Variants in KPNA4 observed in about 807,000 individuals in gnomAD.
KPNA4 encodes karyopherin subunit alpha 4.
In KPNA4, 13 loss-of-function variants were observed where a neutral mutation model predicts 71.3. The ratio of observed to expected loss-of-function variants is 0.18; its 90% CI spans 0.12 to 0.29. The LOEUF (loss-of-function observed/expected upper bound fraction) is 0.29, where lower values mean the gene tolerates loss of function less well. Among genes scored for constraint, KPNA4 ranks in the 10% least tolerant of loss-of-function variants. The pLI, the probability that KPNA4 is intolerant of heterozygous loss-of-function variation, is 1.00. For missense variants in KPNA4, 334 were observed against 603.2 expected (o/e 0.55, Z 4.67); for synonymous variants, 189 against 195.2 (o/e 0.97, Z 0.26).
At chr3:160,548,559 TTG>T (rs1721975769) in intron 1 of KPNA4, among the ~76,000 whole-genome samples, 2 of 152,242 alleles carry the variant, frequency 1.3e-5, no homozygotes, top group East Asian at 1.9e-4. Flanking sequence ...CAGTATTTTT[TTG>T]TGTGTGACTG....
chr3:160,508,817 G>A (rs955899874), intron 14 of KPNA4, among the ~76,000 whole-genome samples: 2 of 151,958 alleles, frequency 1.3e-5, no homozygotes, highest in Admixed American at 6.6e-5. Flanking sequence ...ACTGCATCCC[G>A]CCTGGATACT....
chr3:160,535,017 C>A (rs184390670), intron 5 of KPNA4, among the ~76,000 whole-genome samples: 2 of 151,812 alleles, frequency 1.3e-5, no homozygotes, highest in Non-Finnish European at 2.9e-5. Flanking sequence ...CCACCTCGCC[C>A]GGCCGTCATT....
intron 1 of KPNA4, among the ~76,000 whole-genome samples, chr3:160,556,219 T>A (rs1722134267): frequency 6.6e-6 from 1 of 152,248 alleles, no homozygotes; most frequent in Non-Finnish European, 1.5e-5. Flanking sequence ...ATGTTTGCAA[T>A]TCTCCTGGAT....
At chr3:160,556,099 C>T (rs1722130955) in intron 1 of KPNA4, among the ~76,000 whole-genome samples, 1 of 152,320 alleles carries the variant, frequency 6.6e-6, no homozygotes, top group East Asian at 1.9e-4. Flanking sequence ...TCCCAAAGTG[C>T]TTGGGATTAC....
At chr3:160,537,592 C>T in intron 1 of KPNA4, among the ~76,000 whole-genome samples, 1 of 149,870 alleles carries the variant, frequency 6.7e-6, no homozygotes, top group South Asian at 2.1e-4. Flanking sequence ...CTTATTCTTT[C>T]TAATGACTGT....
intron 1 of KPNA4, among the ~76,000 whole-genome samples, chr3:160,540,533 G>A (rs531016271): frequency 6.6e-6 from 1 of 152,244 alleles, no homozygotes; most frequent in South Asian, 2.1e-4. Flanking sequence ...GAATGAACTG[G>A]TAGAAAGACA....
chr3:160,553,311 G>A (rs1722077009), intron 1 of KPNA4, among the ~76,000 whole-genome samples: 1 of 152,190 alleles, frequency 6.6e-6, no homozygotes, highest in African/African-American at 2.4e-5. Flanking sequence ...GAAAGCACCT[G>A]ACTCGGGAAA....
chr3:160,565,220 G>A lies in KPNA4; in HGVS notation c.63C>T (p.Asp21=), dbSNP rs776187396. Residue 21 remains aspartate (D), a synonymous_variant, in exon 1 of 17, where the codon GAC becomes GAT. Transcript: ENST00000334256. ...RLKNFKNKGR[D]LETMRRQRNE... ...GCGTCGTCCCCGAGTTTACCTCCAA[G>A]TCGCGGCCTTTGTTCTTGAAATTCT... 72 of 1,608,974 alleles carry A rather than the reference G, an allele frequency of 4.5e-5. No homozygotes were observed. Among genetic ancestry groups the A allele is most frequent in the Non-Finnish European group, 6.0e-5 (71 of 1,177,568 alleles).
At chr3:160,531,760 T>C (rs1721579402) in intron 5 of KPNA4, among the ~76,000 whole-genome samples, 1 of 152,198 alleles carries the variant, frequency 6.6e-6, no homozygotes, top group South Asian at 2.1e-4. Flanking sequence ...TGACAAATAA[T>C]TAGAAAAATA....
chr3:160,525,693 T>C, intron 10 of KPNA4, 107 bp downstream of exon 10: 1 of 519,426 alleles, frequency 1.9e-6, no homozygotes, highest in East Asian at 3.6e-5. Context: ...AATCTGATAG[T>C]ATGCTGACAC....
chr3:160,542,787 T>G (rs992802517), intron 1 of KPNA4, among the ~76,000 whole-genome samples: 2 of 152,046 alleles, frequency 1.3e-5, no homozygotes, highest in Non-Finnish European at 2.9e-5. Context: ...ATACATTGAG[T>G]GTAGGAGGTC....
Position 160,497,824 on chromosome 3 carries a change from C to T in KPNA4, c.*4280G>A, listed in dbSNP as rs1312898482. On this transcript the variant is annotated 3_prime_UTR_variant, in exon 17 of 17. Transcript: ENST00000334256. ...TAATCCACCAAACCCGAGGAGTTAA[C>T]AATTAAAGTTGGCCTATTTATAGTT... 1 of 152,136 alleles carries T rather than the reference C, an allele frequency of 6.6e-6. No homozygotes were observed. Among genetic ancestry groups the T allele is most frequent in the Non-Finnish European group, 1.5e-5 (1 of 68,026 alleles). 9.4% of individuals were successfully genotyped at this position (152,136 alleles called of 1,614,324 possible). A position where few individuals can be genotyped will look rare whatever the true frequency, so the allele number is the denominator to read the frequency against.
chr3:160,508,678 GATTT>G lies in KPNA4; in HGVS notation c.1210-413_1210-410del, dbSNP rs200338111. On this transcript the variant is annotated intron_variant, in intron 14 of 16. Transcript: ENST00000334256. ...GATGGGGTCTCACTATGTTGCGCAG[GATTT>G]ATTTATTTATTTAATATATAGAGAC... 3.2e-3 allele frequency among the ~76,000 whole-genome samples: 490 copies of G among 151,854 alleles called. 2 individuals carry two copies. The highest frequency in any genetic ancestry group is 0.011 in the African/African-American group (465 of 41,412).
At position 160,565,438 on chromosome 3, in the gene KPNA4, C is replaced by T; in HGVS notation, c.-156G>A. 1 of 617,632 alleles carries T rather than the reference C, an allele frequency of 1.6e-6. No individual in the cohort carries two copies. The highest frequency in any genetic ancestry group is 1.9e-5 in the South Asian group (1 of 52,010). 38.3% of individuals were successfully genotyped at this position (617,632 alleles called of 1,614,324 possible). A position where few individuals can be genotyped will look rare whatever the true frequency, so the allele number is the denominator to read the frequency against. ...TCCTCTCACCTGCCTCCGCCGCGGC[C>T]TTCTCCTCTCCCCGCCCGCCCCCCC... On this transcript the variant is annotated 5_prime_UTR_variant, in exon 1 of 17. Transcript: ENST00000334256.
chr3:160,543,143 A>G (rs1721838440), intron 1 of KPNA4, among the ~76,000 whole-genome samples: 1 of 152,186 alleles, frequency 6.6e-6, no homozygotes, highest in Non-Finnish European at 1.5e-5. Context: ...CATATGATAG[A>G]AGAGAAAATA....
In KPNA4 at chr3:160,495,381, G is replaced by A. The variant is rs1346646122; in HGVS notation, c.*6723C>T. On this transcript the variant is annotated 3_prime_UTR_variant, in exon 17 of 17. Transcript: ENST00000334256. The stretch of plus-strand genomic sequence containing the variant: ...GTGTATTTTCTTGCTCCCTGCAGCT[G>A]AGAATTGCAAAAAGAAAACAGGGAT... The A allele has an allele frequency of 6.6e-6, 1 of 152,100 alleles. No homozygotes were observed. The highest frequency in any genetic ancestry group is 1.5e-5 in the Non-Finnish European group (1 of 68,006). The allele number at this position is 152,100 out of a possible 1,614,324, so 9.4% of individuals were successfully genotyped here. A position where few individuals can be genotyped will look rare whatever the true frequency, so the allele number is the denominator to read the frequency against.
Position 160,497,192 on chromosome 3 carries a change from A to C in KPNA4, c.*4912T>G, listed in dbSNP as rs532468537. Reference sequence around the variant, plus strand: ...CACTTTGGGAAGCCGAGGTGGGCAGATCATTTGCGGTCAGGATTCCAATAC... The same window carrying C: ...CACTTTGGGAAGCCGAGGTGGGCAGCTCATTTGCGGTCAGGATTCCAATAC... On this transcript the variant is annotated 3_prime_UTR_variant, in exon 17 of 17. Coordinates refer to ENST00000334256, the MANE Select transcript of KPNA4 (RefSeq NM_002268.5). The C allele has an allele frequency of 1.2e-4, 19 of 152,354 alleles. No homozygotes were observed. The highest frequency in any genetic ancestry group is 4.3e-4 in the African/African-American group (18 of 41,574). 9.4% of individuals were successfully genotyped at this position (152,354 alleles called of 1,614,324 possible).
At chr3:160,545,599 A>C (rs959003618) in intron 1 of KPNA4, among the ~76,000 whole-genome samples, 17 of 152,190 alleles carry the variant, frequency 1.1e-4, no homozygotes, top group Non-Finnish European at 2.4e-4. Flanking sequence ...TAGGAAATGG[A>C]GGCTAGCCAC....
chr3:160,506,733 A>C (rs1720990528), intron 15 of KPNA4, among the ~76,000 whole-genome samples: 1 of 152,220 alleles, frequency 6.6e-6, no homozygotes, highest in Non-Finnish European at 1.5e-5. Context: ...AAGTAGTAAA[A>C]ATAATTAAGT....
Sources: gnomAD v4.1 joint callset for allele counts (sites outside exome capture counted in the v4.1 genomes callset) on GRCh38, gnomAD v4.1.1 for gene constraint, MANE v1.5 for transcripts, NCBI Gene and HGNC (gene_info 2026-07-23, HGNC 2026-07-21) for gene names.